ASPH: variants seen among roughly 807,000 people sequenced by gnomAD.
ASPH encodes the protein aspartate beta-hydroxylase.
In ASPH, 100 loss-of-function variants were observed where a neutral mutation model predicts 118.4. The ratio of observed to expected loss-of-function variants is 0.84; its 90% CI spans 0.72 to 1.00. The LOEUF (loss-of-function observed/expected upper bound fraction) is 1.00, where lower values mean the gene tolerates loss of function less well. Ranked by LOEUF, ASPH falls within the 50% of genes least tolerant of loss-of-function variation. ASPH has a pLI of 0.00. For missense variants in ASPH, 920 were observed against 919.5 expected, an observed-to-expected ratio of 1.00 and a Z score of -0.01; for synonymous variants, 315 against 325.6, an observed-to-expected ratio of 0.97 and a Z score of 0.35.
intron 10 of ASPH, among the ~76,000 whole-genome samples, chr8:61,641,895 T>C (rs1419729586): frequency 2.0e-5 from 3 of 152,236 alleles, no homozygotes; most frequent in East Asian, 3.8e-4. Context: ...CTGACTTCTC[T>C]CTTTCTACAT....
intron 12 of ASPH, among the ~76,000 whole-genome samples, chr8:61,634,670 T>A (rs917373996): frequency 2.0e-5 from 3 of 152,212 alleles, no homozygotes; most frequent in African/African-American, 7.2e-5. Flanking sequence ...ATAGCTATGT[T>A]GTGACTGGCT....
intron 13 of ASPH, among the ~76,000 whole-genome samples, chr8:61,627,306 G>A (rs1248137432): frequency 1.3e-5 from 2 of 152,182 alleles, no homozygotes; most frequent in Non-Finnish European, 2.9e-5. Context: ...CCACAGACAA[G>A]ATGTAGAACA....
At chr8:61,653,448 T>C (rs923272413) in intron 4 of ASPH, 120 bp downstream of exon 4, 57 of 872,912 alleles carry the variant, frequency 6.5e-5, no homozygotes, top group Non-Finnish European at 9.8e-5. Flanking sequence ...AGAAAAAAAG[T>C]AGTTAATTAT....
intron 1 of ASPH, among the ~76,000 whole-genome samples, chr8:61,686,153 T>C (rs991216231): frequency 6.6e-6 from 1 of 152,194 alleles, no homozygotes; most frequent in Non-Finnish European, 1.5e-5. Context: ...GCTTACCAAA[T>C]GACAAATGGC....
intron 13 of ASPH, chr8:61,626,350 A>T (rs2150621861): frequency 1.5e-6 from 2 of 1,374,310 alleles, no homozygotes; most frequent in Non-Finnish European, 1.9e-6. Flanking sequence ...CTTCATTTTC[A>T]TTCTACTTTT....
intron 1 of ASPH, among the ~76,000 whole-genome samples, chr8:61,712,230 G>A (rs748400726): frequency 2.0e-5 from 3 of 152,098 alleles, no homozygotes; most frequent in African/African-American, 4.8e-5. Context: ...GAAATGGTTC[G>A]CACAACGTCC....
intron 14 of ASPH, among the ~76,000 whole-genome samples, chr8:61,607,508 T>A (rs1158221708): frequency 6.6e-6 from 1 of 152,160 alleles, no homozygotes; most frequent in Admixed American, 6.5e-5. Context: ...GTGCTATATA[T>A]TCACCTTAAG....
chr8:61,614,214 T>C (rs1848317807), intron 14 of ASPH, among the ~76,000 whole-genome samples: 1 of 152,206 alleles, frequency 6.6e-6, no homozygotes. Context: ...TTCTTAATTG[T>C]AATGAATAAT....
intron 3 of ASPH, chr8:61,660,907 C>A (rs970625608): frequency 1.3e-5 from 2 of 152,108 alleles, no homozygotes; most frequent in African/African-American, 4.8e-5. Context: ...AAAATCTCAT[C>A]TATGGAAAAA....
chr8:61,704,365 A>G (rs1836043999), intron 1 of ASPH, among the ~76,000 whole-genome samples: 1 of 151,980 alleles, frequency 6.6e-6, no homozygotes, highest in Admixed American at 6.5e-5. Context: ...ATATAGAAAA[A>G]TATAAATCTA....
In ASPH at chr8:61,653,750, A is replaced by G. The variant is rs965349229; in HGVS notation, c.323-90T>C. ...GAAAAATAATATTTTCAAACATTTA[A>G]TTAATAGTGCTGCTAATTAATAGTT... On this transcript the variant is annotated intron_variant, in intron 3 of 24. Coordinates refer to ENST00000379454, the MANE Select transcript of ASPH (RefSeq NM_004318.4). 1.5e-5 allele frequency: 19 copies of G among 1,271,770 alleles called. No homozygotes were observed. In the African/African-American group the frequency reaches 2.4e-4, roughly 16 times the overall value. 78.8% of individuals were successfully genotyped at this position (1,271,770 alleles called of 1,614,324 possible). A position where few individuals can be genotyped will look rare whatever the true frequency, so the allele number is the denominator to read the frequency against.
At chr8:61,554,231 G>A (rs1827030415) in intron 19 of ASPH, among the ~76,000 whole-genome samples, 2 of 152,248 alleles carry the variant, frequency 1.3e-5, no homozygotes, top group South Asian at 4.1e-4. Context: ...CCCAAGGGGG[G>A]ATCACTGCTT....
At chr8:61,571,339 A>G (rs1262128099) in intron 16 of ASPH, among the ~76,000 whole-genome samples, 1 of 152,120 alleles carries the variant, frequency 6.6e-6, no homozygotes, top group Non-Finnish European at 1.5e-5. Context: ...TATACTGGAG[A>G]TTAGTTCCAA....
intron 14 of ASPH, among the ~76,000 whole-genome samples, chr8:61,613,791 C>A (rs186667372): frequency 3.9e-5 from 6 of 152,282 alleles, no homozygotes; most frequent in Admixed American, 3.3e-4. Context: ...ATGTGCTGCA[C>A]TAAGAAGTTT....
intron 14 of ASPH, chr8:61,607,111 C>T (rs1845817887): frequency 3.7e-6 from 2 of 541,664 alleles, no homozygotes; most frequent in African/African-American, 1.9e-5. Flanking sequence ...TAGTTACTTG[C>T]TTTGCTTTCA....
intron 1 of ASPH, among the ~76,000 whole-genome samples, chr8:61,685,904 G>A (rs546883061): frequency 3.2e-4 from 48 of 151,930 alleles, no homozygotes; most frequent in African/African-American, 1.1e-3. Context: ...GAGTAACTGG[G>A]ATTACAGGCA....
At chr8:61,620,869 G>T (rs888137993) in intron 13 of ASPH, among the ~76,000 whole-genome samples, 2 of 152,168 alleles carry the variant, frequency 1.3e-5, no homozygotes, top group Admixed American at 1.3e-4. Flanking sequence ...GGGAGTTTAG[G>T]GCTCTCCACA....
intron 13 of ASPH, among the ~76,000 whole-genome samples, chr8:61,621,112 G>GTT (rs1234190599): frequency 6.6e-6 from 1 of 152,162 alleles, no homozygotes; most frequent in African/African-American, 2.4e-5. Context: ...CTAAAAGGGG[G>GTT]TTGGCAGTCT....
chr8:61,505,004 C>G (rs1188761409), intron 24 of ASPH, among the ~76,000 whole-genome samples: 3 of 152,104 alleles, frequency 2.0e-5, no homozygotes, highest in Non-Finnish European at 4.4e-5. Flanking sequence ...TGTGTCCCCA[C>G]CCAAATCTCA....
Sources: gnomAD v4.1 joint callset for allele counts (sites outside exome capture counted in the v4.1 genomes callset) on GRCh38, gnomAD v4.1.1 for gene constraint, MANE v1.5 for transcripts, NCBI Gene and HGNC (gene_info 2026-07-23, HGNC 2026-07-21) for gene names.